The following AP3S1 variants were observed in gnomAD, a reference collection of about 807,000 sequenced individuals.
AP3S1 encodes AP-3 complex subunit sigma-1.
A neutral mutation model predicts 21.3 loss-of-function variants in AP3S1; 12 were observed. The observed-to-expected ratio is 0.56, with a 90% CI of 0.36 to 0.91. The LOEUF (loss-of-function observed/expected upper bound fraction) is 0.91. Among genes scored for constraint, AP3S1 ranks in the 40% least tolerant of loss-of-function variants. The pLI is 0.01. For synonymous variants in AP3S1, 48 were observed against 78.4 expected (o/e 0.61, Z 2.05); for missense variants, 116 against 225.0 (o/e 0.52, Z 3.10).
At chr5:115,890,715 C>A (rs890294548) in intron 3 of AP3S1, among the ~76,000 whole-genome samples, 3 of 152,136 alleles carry the variant, frequency 2.0e-5, no homozygotes, top group Non-Finnish European at 4.4e-5. Flanking sequence ...AATAAGTATT[C>A]AAATGATTTC....
intron 3 of AP3S1, among the ~76,000 whole-genome samples, chr5:115,875,419 C>T (rs1748624920): frequency 6.6e-6 from 1 of 152,176 alleles, no homozygotes; most frequent in African/African-American, 2.4e-5. Context: ...TGGTTCTCAT[C>T]TATCATGATG....
At chr5:115,856,968 C>G (rs1356306118) in intron 1 of AP3S1, among the ~76,000 whole-genome samples, 2 of 152,186 alleles carry the variant, frequency 1.3e-5, no homozygotes, top group Admixed American at 1.3e-4. Context: ...CCCCGTTCCT[C>G]CTTTTATTCC....
At chr5:115,904,774 A>G (rs1179589741) in intron 5 of AP3S1, among the ~76,000 whole-genome samples, 1 of 152,212 alleles carries the variant, frequency 6.6e-6, no homozygotes, top group Admixed American at 6.5e-5. Context: ...TCTTAAAAGA[A>G]CTTAAAATGT....
At chr5:115,850,323 G>C (rs1762351583) in intron 1 of AP3S1, among the ~76,000 whole-genome samples, 1 of 152,136 alleles carries the variant, frequency 6.6e-6, no homozygotes, top group Admixed American at 6.5e-5. Context: ...ATCTTAGTGT[G>C]ACATGAAAGG....
intron 1 of AP3S1, among the ~76,000 whole-genome samples, chr5:115,864,944 C>T (rs781625745): frequency 1.3e-5 from 2 of 152,134 alleles, no homozygotes; most frequent in Non-Finnish European, 1.5e-5. Context: ...GACATGGACC[C>T]TTCTGTAATA....
At chr5:115,847,909 A>C (rs148199491) in intron 1 of AP3S1, among the ~76,000 whole-genome samples, 4 of 152,182 alleles carry the variant, frequency 2.6e-5, no homozygotes, top group Admixed American at 6.5e-5. Context: ...CCTTATATCA[A>C]AGTATCCTCG....
chr5:115,876,873 A>C (rs917670176), intron 3 of AP3S1, among the ~76,000 whole-genome samples: 4 of 152,174 alleles, frequency 2.6e-5, no homozygotes, highest in Non-Finnish European at 5.9e-5. Context: ...TCATATCAGG[A>C]GGTATATGAT....
intron 3 of AP3S1, among the ~76,000 whole-genome samples, chr5:115,886,565 A>G (rs1214929895): frequency 5.1e-4 from 77 of 152,216 alleles, no homozygotes; most frequent in Non-Finnish European, 1.0e-4. Flanking sequence ...GAATACATAT[A>G]ACAAAAAATG....
rs35793318 is a variant in AP3S1, at chr5:115,901,392, C to CT, written c.346-1472dup. On this transcript the variant is annotated intron_variant, in intron 4 of 5. Transcript: ENST00000316788. ...GAACTTTTAGTCATTTGCCTATATT[C>CT]TTTTTTTTTTTTTTTTTTTTTAAGT... Among the ~76,000 whole-genome samples, 351 of 111,632 alleles carry CT rather than the reference C, an allele frequency of 3.1e-3. 1 individual carries two copies. The highest frequency in any genetic ancestry group is 6.1e-3 in the South Asian group (20 of 3,258). The allele number at this position is 111,632 out of a possible 152,430, so 73.2% of individuals were successfully genotyped here. A position where few individuals can be genotyped will look rare whatever the true frequency, so the allele number is the denominator to read the frequency against.
intron 1 of AP3S1, among the ~76,000 whole-genome samples, chr5:115,850,245 T>G (rs1762343956): frequency 6.6e-6 from 1 of 152,238 alleles, no homozygotes; most frequent in South Asian, 2.1e-4. Flanking sequence ...TTTGATTACC[T>G]TGTGCTTACT....
At chr5:115,901,520 G>A (rs1316290553) in intron 4 of AP3S1, among the ~76,000 whole-genome samples, 2 of 149,390 alleles carry the variant, frequency 1.3e-5, no homozygotes, top group African/African-American at 4.9e-5. Flanking sequence ...AGGTGTCCAT[G>A]CTTCCAAAAT....
At chr5:115,861,616 A>G (rs1029043702) in intron 1 of AP3S1, among the ~76,000 whole-genome samples, 7 of 152,148 alleles carry the variant, frequency 4.6e-5, no homozygotes, top group Middle Eastern at 3.4e-3. Flanking sequence ...TTGTGGTGGC[A>G]TGATCTTGGC....
intron 5 of AP3S1, among the ~76,000 whole-genome samples, chr5:115,904,998 C>G (rs1053343332): frequency 1.3e-5 from 2 of 152,020 alleles, no homozygotes; most frequent in Non-Finnish European, 2.9e-5. Flanking sequence ...GGTGGTGGTC[C>G]TTCTTTTTCT....
At position 115,907,738 on chromosome 5, in the gene AP3S1, T is replaced by C. The variant is rs1326192407; in HGVS notation, c.453+4746T>C. On this transcript the variant is annotated intron_variant, in intron 5 of 5. Coordinates refer to ENST00000316788, the MANE Select transcript of AP3S1 (RefSeq NM_001284.4). ...ATATTGGAAATATTTTTAATAGACCTCTAGTTTTACAAAACTAATTTTTCT... is the reference window on the plus strand; with the variant it reads ...ATATTGGAAATATTTTTAATAGACCCCTAGTTTTACAAAACTAATTTTTCT... Among the ~76,000 whole-genome samples the C allele has an allele frequency of 2.0e-5, 3 of 152,318 alleles. No individual in the cohort carries two copies. The South Asian group carries it at 6.2e-4, about 32-fold the overall frequency.
At chr5:115,896,200 A>C (rs546787314) in intron 4 of AP3S1, among the ~76,000 whole-genome samples, 1 of 152,222 alleles carries the variant, frequency 6.6e-6, no homozygotes, top group Non-Finnish European at 1.5e-5. Flanking sequence ...TGTATAGTAC[A>C]TGTAACCAGC....
chr5:115,912,866 T>C (rs1398313999), intron 5 of AP3S1, among the ~76,000 whole-genome samples: 1 of 152,094 alleles, frequency 6.6e-6, no homozygotes, highest in Non-Finnish European at 1.5e-5. Flanking sequence ...ATTTTATTGT[T>C]TTAAAATGTT....
intron 3 of AP3S1, among the ~76,000 whole-genome samples, chr5:115,883,022 A>G (rs956381221): frequency 4.6e-5 from 7 of 152,292 alleles, no homozygotes; most frequent in Non-Finnish European, 8.8e-5. Flanking sequence ...CGCCTACTCA[A>G]GTCTCAATAA....
At chr5:115,842,258 TG>T (rs1761641808) in intron 1 of AP3S1, 152 bp downstream of exon 1, 4 of 1,266,460 alleles carry the variant, frequency 3.2e-6, no homozygotes, top group Non-Finnish European at 4.2e-6. Context: ...AGCCTCCTGG[TG>T]GGTGTGGACA....
chr5:115,861,861 T>C (rs751969184), intron 1 of AP3S1, among the ~76,000 whole-genome samples: 7 of 97,822 alleles, frequency 7.2e-5, no homozygotes, highest in Non-Finnish European at 8.8e-5. Flanking sequence ...TTTTCTTTTC[T>C]TTTCTTTTTT....
Sources: gnomAD v4.1 joint callset for allele counts (sites outside exome capture counted in the v4.1 genomes callset) on GRCh38, gnomAD v4.1.1 for gene constraint, MANE v1.5 for transcripts, NCBI Gene and HGNC (gene_info 2026-07-23, HGNC 2026-07-21) for gene names.